Variants in GRM7 observed in about 807,000 individuals in gnomAD.
The protein encoded by GRM7 is glutamate metabotropic receptor 7, also known as metabotropic glutamate receptor 7.
Under a neutral mutation model 84.5 loss-of-function variants are expected in GRM7, and 35 were observed. The ratio of observed to expected loss-of-function variants is 0.41; its 90% CI spans 0.32 to 0.55. The LOEUF (loss-of-function observed/expected upper bound fraction) is 0.55, where lower values mean the gene tolerates loss of function less well. Among genes scored for constraint, GRM7 ranks in the 20% least tolerant of loss-of-function variants. The pLI is 0.19. For missense variants in GRM7, 1,003 were observed against 1,194.6 expected (o/e 0.84, Z 2.36); for synonymous variants, 487 against 455.1 (o/e 1.07, Z -0.89).
chr3:7,362,775 G>C (rs1247937981), intron 4 of GRM7, among the ~76,000 whole-genome samples: 1 of 152,068 alleles, frequency 6.6e-6, no homozygotes, highest in African/African-American at 2.4e-5. Context: ...CAGTCCTACT[G>C]CCTGATACTT....
At chr3:7,550,096 G>A (rs979191273) in intron 7 of GRM7, among the ~76,000 whole-genome samples, 1 of 150,508 alleles carries the variant, frequency 6.6e-6, no homozygotes, top group Non-Finnish European at 1.5e-5. Flanking sequence ...CTTTAGCTTG[G>A]CTCCCCCACC....
intron 2 of GRM7, among the ~76,000 whole-genome samples, chr3:7,251,463 A>T (rs1178381571): frequency 1.3e-5 from 2 of 152,174 alleles, no homozygotes; most frequent in African/African-American, 4.8e-5. Context: ...AAATATGCAT[A>T]AAAATACAAA....
At chr3:7,455,467 C>A (rs1697969047) in intron 6 of GRM7, among the ~76,000 whole-genome samples, 1 of 152,082 alleles carries the variant, frequency 6.6e-6, no homozygotes, top group South Asian at 2.1e-4. Context: ...AGGTGGACAT[C>A]ATCACTTATG....
intron 9 of GRM7, among the ~76,000 whole-genome samples, chr3:7,736,400 T>C (rs1702501488): frequency 6.6e-6 from 1 of 152,126 alleles, no homozygotes; most frequent in South Asian, 2.1e-4. Flanking sequence ...GCAGAGTCTA[T>C]CAATAGGAAA....
chr3:7,302,948 T>G (rs1223730317), intron 3 of GRM7, among the ~76,000 whole-genome samples: 8 of 142,028 alleles, frequency 5.6e-5, no homozygotes, highest in Admixed American at 2.8e-4. Flanking sequence ...TTTTTTTTTT[T>G]TTTTTTTGTT....
chr3:7,420,045 T>C (rs1194718274), intron 5 of GRM7, among the ~76,000 whole-genome samples: 3 of 152,162 alleles, frequency 2.0e-5, no homozygotes, highest in Non-Finnish European at 4.4e-5. Flanking sequence ...TCTTTACACC[T>C]CACTTCTCAG....
chr3:7,122,600 T>A (rs971918214), intron 1 of GRM7, among the ~76,000 whole-genome samples: 1 of 152,210 alleles, frequency 6.6e-6, no homozygotes, highest in Non-Finnish European at 1.5e-5. Flanking sequence ...AAAATGGTGG[T>A]AAAATGCTCT....
intron 1 of GRM7, among the ~76,000 whole-genome samples, chr3:6,953,866 A>G (rs1302935374): frequency 6.6e-6 from 1 of 152,136 alleles, no homozygotes; most frequent in African/African-American, 2.4e-5. Flanking sequence ...TAGGGAAGTT[A>G]TGAGAATTAA....
chr3:7,520,974 C>G (rs897157793), intron 7 of GRM7, among the ~76,000 whole-genome samples: 1 of 152,172 alleles, frequency 6.6e-6, no homozygotes, highest in African/African-American at 2.4e-5. Flanking sequence ...TTGACGCCTA[C>G]TATACCTTCC....
At chr3:7,540,916 C>T (rs574742804) in intron 7 of GRM7, among the ~76,000 whole-genome samples, 1 of 152,152 alleles carries the variant, frequency 6.6e-6, no homozygotes, top group East Asian at 1.9e-4. Flanking sequence ...ATAGATGAAT[C>T]TTTAAAACAT....
intron 1 of GRM7, among the ~76,000 whole-genome samples, chr3:7,134,004 T>C (rs1693689308): frequency 6.6e-6 from 1 of 151,964 alleles, no homozygotes; most frequent in Non-Finnish European, 1.5e-5. Flanking sequence ...CGTTACATAC[T>C]ACACACACAC....
chr3:6,917,398 T>C (rs1276306623), intron 1 of GRM7, among the ~76,000 whole-genome samples: 1 of 151,942 alleles, frequency 6.6e-6, no homozygotes, highest in Non-Finnish European at 1.5e-5. Flanking sequence ...ACAAAAATGT[T>C]GGAAGAGGCA....
intron 2 of GRM7, among the ~76,000 whole-genome samples, chr3:7,264,880 TTACACC>T (rs1313630790): frequency 6.6e-6 from 1 of 152,012 alleles, no homozygotes; most frequent in Non-Finnish European, 1.5e-5. Flanking sequence ...AGCAGATGCA[TTACACC>T]TTCCTGCTAT....
intron 8 of GRM7, among the ~76,000 whole-genome samples, chr3:7,592,714 C>T (rs73809447): frequency 0.048 from 7,234 of 152,240 alleles, 474 homozygotes; most frequent in African/African-American, 0.14. Context: ...AAAGATTACA[C>T]ATTTTTATTT....
chr3:7,194,989 C>T (rs1007259350), intron 2 of GRM7, among the ~76,000 whole-genome samples: 11 of 152,046 alleles, frequency 7.2e-5, no homozygotes, highest in Non-Finnish European at 1.2e-4. Flanking sequence ...GTTCCTTATT[C>T]GCTGCTATAT....
rs542759043 is a variant in GRM7, at chr3:7,328,981, G to A, written c.1033+22329G>A. On this transcript the variant is annotated intron_variant, in intron 4 of 9. Coordinates refer to ENST00000357716, the MANE Select transcript of GRM7 (RefSeq NM_000844.4). ...CTCTTCCTTTTCAACATAACTTTAC[G>A]TTTTCTGAGAGTTAGCTTTGATAAA... Among the ~76,000 whole-genome samples the A allele has an allele frequency of 3.9e-5, 6 of 151,950 alleles. No homozygotes were observed. The East Asian group carries it at 5.8e-4, about 15-fold the overall frequency.
intron 2 of GRM7, among the ~76,000 whole-genome samples, chr3:7,273,725 A>G (rs369025068): frequency 2.0e-5 from 3 of 151,864 alleles, no homozygotes; most frequent in Non-Finnish European, 1.5e-5. Flanking sequence ...GGACTTTTTA[A>G]TCTATACGAG....
In GRM7 at chr3:7,306,810, G is replaced by C. The variant is rs146888962; in HGVS notation, c.1033+158G>C. ...AAATGCAAATGAGGCCACACACCTG[G>C]TCTGTTCTTTTAGTTGAAATTCCTC... is the stretch of plus-strand genomic sequence containing the variant. On this transcript the variant is annotated intron_variant, in intron 4 of 9. Transcript: ENST00000357716. Among the ~76,000 whole-genome samples, 360 of 152,266 alleles carry C rather than the reference G, an allele frequency of 2.4e-3. 1 individual carries two copies. The highest frequency in any genetic ancestry group is 4.4e-3 in the Non-Finnish European group (299 of 68,026).
chr3:7,328,237 T>G (rs1701060205), intron 4 of GRM7, among the ~76,000 whole-genome samples: 1 of 152,218 alleles, frequency 6.6e-6, no homozygotes, highest in Non-Finnish European at 1.5e-5. Context: ...TCGTCATGGC[T>G]TTTGTGTCCT....
Sources: allele counts gnomAD v4.1 joint callset (sites outside exome capture counted in the v4.1 genomes callset), GRCh38; gene constraint gnomAD v4.1.1; transcripts MANE v1.5; gene names NCBI Gene and HGNC (gene_info 2026-07-23, HGNC 2026-07-21).